Variants in LPAR1 observed in about 807,000 individuals in gnomAD.
LPAR1 encodes the protein lysophosphatidic acid receptor 1.
Under a neutral mutation model 23.8 loss-of-function variants are expected in LPAR1, and 5 were observed. The ratio of observed to expected loss-of-function variants is 0.21; its 90% CI spans 0.11 to 0.44. The LOEUF (loss-of-function observed/expected upper bound fraction) is 0.44. Ranked by LOEUF, LPAR1 falls within the 20% of genes least tolerant of loss-of-function variation. The pLI, the probability that LPAR1 is intolerant of heterozygous loss-of-function variation, is 0.99. For missense variants in LPAR1, 311 were observed against 482.8 expected (o/e 0.64, Z 3.33); for synonymous variants, 160 against 164.7 (o/e 0.97, Z 0.22).
chr9:111,016,956 G>A (rs1190330743), intron 2 of LPAR1, among the ~76,000 whole-genome samples: 1 of 152,050 alleles, frequency 6.6e-6, no homozygotes, highest in East Asian at 1.9e-4. Flanking sequence ...TTGGAGACAC[G>A]ACTCAATACA....
At chr9:110,881,257 A>G (rs2132522078) in intron 5 of LPAR1, among the ~76,000 whole-genome samples, 1 of 152,230 alleles carries the variant, frequency 6.6e-6, no homozygotes, top group Admixed American at 6.5e-5. Context: ...TTAAAGTTTC[A>G]TGATTTCATT....
intron 2 of LPAR1, among the ~76,000 whole-genome samples, chr9:111,017,673 A>G (rs1398135547): frequency 2.0e-5 from 3 of 152,236 alleles, no homozygotes; most frequent in African/African-American, 4.8e-5. Flanking sequence ...GTTATTTCAC[A>G]GAAGTATACT....
chr9:110,892,013 T>C (rs541372648), intron 5 of LPAR1, among the ~76,000 whole-genome samples: 14 of 152,304 alleles, frequency 9.2e-5, no homozygotes, highest in Admixed American at 7.8e-4. Context: ...TCACATATCA[T>C]ATGACTCAGC....
chr9:110,912,109 T>C (rs570564292), intron 5 of LPAR1, among the ~76,000 whole-genome samples: 55 of 152,280 alleles, frequency 3.6e-4, no homozygotes, highest in African/African-American at 1.3e-3. Context: ...GAAAGCACAG[T>C]ATCAATGCAG....
chr9:110,928,311 A>T (rs1197746235), intron 5 of LPAR1, among the ~76,000 whole-genome samples: 3 of 152,186 alleles, frequency 2.0e-5, no homozygotes, highest in Admixed American at 2.0e-4. Context: ...ACTAATTTAG[A>T]TTGAACTGAA....
At chr9:110,992,193 A>C (rs1035099637) in intron 2 of LPAR1, among the ~76,000 whole-genome samples, 1 of 152,202 alleles carries the variant, frequency 6.6e-6, no homozygotes, top group Non-Finnish European at 1.5e-5. Flanking sequence ...AAATTTCAAA[A>C]TTCAAAAAGG....
intron 4 of LPAR1, among the ~76,000 whole-genome samples, chr9:110,965,705 A>G (rs2096192406): frequency 1.3e-5 from 2 of 152,206 alleles, no homozygotes; most frequent in South Asian, 4.1e-4. Flanking sequence ...TTTGTGGAAG[A>G]CAGTGTGGTG....
intron 2 of LPAR1, among the ~76,000 whole-genome samples, chr9:111,013,359 C>T (rs1348921063): frequency 6.6e-6 from 1 of 152,144 alleles, no homozygotes; most frequent in African/African-American, 2.4e-5. Context: ...ATGTAATAAC[C>T]ATGACCCTCA....
intron 5 of LPAR1, among the ~76,000 whole-genome samples, chr9:110,921,959 G>T (rs531986984): frequency 6.6e-6 from 1 of 152,274 alleles, no homozygotes; most frequent in South Asian, 2.1e-4. Flanking sequence ...CAGAGCCTAC[G>T]GGGCTGCATC....
At chr9:110,917,165 T>A (rs2093217757) in intron 5 of LPAR1, among the ~76,000 whole-genome samples, 2 of 144,882 alleles carry the variant, frequency 1.4e-5, no homozygotes, top group Non-Finnish European at 3.0e-5. Flanking sequence ...AAGTGCAACC[T>A]CGTCTCTACT....
At chr9:111,030,258 C>T (rs180715179) in intron 2 of LPAR1, among the ~76,000 whole-genome samples, 71 of 152,272 alleles carry the variant, frequency 4.7e-4, no homozygotes, top group Admixed American at 1.0e-3. Context: ...GCAAGCAGTT[C>T]TCTGTGGAAC....
intron 5 of LPAR1, among the ~76,000 whole-genome samples, chr9:110,892,388 C>T (rs1169784894): frequency 2.0e-5 from 3 of 152,032 alleles, no homozygotes; most frequent in South Asian, 2.1e-4. Context: ...TAGCTCAGGC[C>T]GGCACGGTGG....
chr9:111,035,593 T>G (rs2141808267), intron 2 of LPAR1, among the ~76,000 whole-genome samples: 1 of 152,326 alleles, frequency 6.6e-6, no homozygotes, highest in South Asian at 2.1e-4. Context: ...TGATGCTGAC[T>G]TAAGGCCAGA....
chr9:110,890,238 T>C (rs1035348136), intron 5 of LPAR1, among the ~76,000 whole-genome samples: 3 of 152,176 alleles, frequency 2.0e-5, no homozygotes, highest in African/African-American at 7.2e-5. Context: ...ATTGATGTAA[T>C]AGTTTGATAA....
chr9:110,957,164 T>C (rs1455949931), intron 4 of LPAR1, among the ~76,000 whole-genome samples: 39 of 150,524 alleles, frequency 2.6e-4, no homozygotes, highest in Non-Finnish European at 1.5e-5. Context: ...GCCCAGGAGT[T>C]CAAGACCAGC....
chr9:111,035,874 C>T (rs1468418383), intron 2 of LPAR1, among the ~76,000 whole-genome samples: 2 of 152,166 alleles, frequency 1.3e-5, no homozygotes, highest in African/African-American at 2.4e-5. Context: ...CCATACTAAG[C>T]ATTTGAAATG....
chr9:110,945,824 A>G (rs80014683), intron 4 of LPAR1, among the ~76,000 whole-genome samples: 1 of 152,138 alleles, frequency 6.6e-6, no homozygotes. Context: ...AGTAATGACT[A>G]GTCAGGTCTT....
At chr9:110,895,403 G>C (rs1467578582) in intron 5 of LPAR1, among the ~76,000 whole-genome samples, 1 of 152,240 alleles carries the variant, frequency 6.6e-6, no homozygotes, top group Non-Finnish European at 1.5e-5. Flanking sequence ...TGGCCACTAG[G>C]CTGGGTGGGC....
At chr9:111,014,504 G>A (rs192509479) in intron 2 of LPAR1, among the ~76,000 whole-genome samples, 3 of 151,740 alleles carry the variant, frequency 2.0e-5, no homozygotes, top group Non-Finnish European at 2.9e-5. Flanking sequence ...CCATTCTTTC[G>A]GATCTCTTCT....
Sources: allele counts gnomAD v4.1 joint callset (sites outside exome capture counted in the v4.1 genomes callset), GRCh38; gene constraint gnomAD v4.1.1; transcripts MANE v1.5; gene names NCBI Gene and HGNC (gene_info 2026-07-23, HGNC 2026-07-21).